The following IQGAP1 variants were observed in gnomAD, a reference collection of about 807,000 sequenced individuals.
IQGAP1 encodes IQ motif containing GTPase activating protein 1.
IQGAP1 carries 66 observed loss-of-function variants against 215.6 expected under a neutral mutation model. The ratio of observed to expected loss-of-function variants is 0.31; its 90% CI spans 0.25 to 0.38. IQGAP1 has a LOEUF of 0.38. Ranked by LOEUF, IQGAP1 falls within the 10% of genes least tolerant of loss-of-function variation. The probability of loss-of-function intolerance (pLI) is 1.00; values close to 1 mark genes in which losing one functional copy is unlikely to be tolerated. For missense variants in IQGAP1, 1,712 were observed against 1,997.1 expected (o/e 0.86, Z 2.72); for synonymous variants, 772 against 728.7 (o/e 1.06, Z -0.96).
chr15:90,434,137 C>T (rs1965338342), intron 5 of IQGAP1, among the ~76,000 whole-genome samples: 1 of 152,072 alleles, frequency 6.6e-6, no homozygotes, highest in Non-Finnish European at 1.5e-5. Flanking sequence ...TTTGTTCATT[C>T]ATTCAATAAT....
At chr15:90,491,734 A>G (rs1966207821) in intron 34 of IQGAP1, 189 bp downstream of exon 34, 2 of 583,106 alleles carry the variant, frequency 3.4e-6, no homozygotes, top group South Asian at 2.1e-5. Flanking sequence ...TCCATGGCCT[A>G]AATTACTAGG....
chr15:90,475,439 C>CT (rs1229616347), intron 23 of IQGAP1, among the ~76,000 whole-genome samples: 2 of 151,896 alleles, frequency 1.3e-5, no homozygotes, highest in East Asian at 3.9e-4. Context: ...GCCCGGCCAT[C>CT]ATAAGCTTTT....
chr15:90,417,938 A>C (rs151137489), intron 2 of IQGAP1, among the ~76,000 whole-genome samples: 2,118 of 152,238 alleles, frequency 0.014, 39 homozygotes, highest in African/African-American at 0.048. Context: ...CATCCCTTGT[A>C]AGTTGGATTC....
chr15:90,466,677 C>T (rs901341948), intron 17 of IQGAP1, among the ~76,000 whole-genome samples: 4 of 148,524 alleles, frequency 2.7e-5, no homozygotes, highest in Non-Finnish European at 4.4e-5. Context: ...AAATATTTAA[C>T]TGTTTATCTT....
At chr15:90,429,522 A>G in intron 3 of IQGAP1, 67 bp from the exon 4 acceptor site, 1 of 1,224,140 alleles carries the variant, frequency 8.2e-7, no homozygotes, top group Non-Finnish European at 1.1e-6. Context: ...ACTTTTGCGA[A>G]GAGAGTTTTT....
intron 26 of IQGAP1, 146 bp from the exon 27 acceptor site, chr15:90,481,814 A>G: frequency 1.2e-6 from 1 of 810,740 alleles, no homozygotes; most frequent in Non-Finnish European, 1.9e-6. Context: ...TTCAGATTCT[A>G]GACTTATCAC....
chr15:90,491,665 A>G, intron 34 of IQGAP1, 120 bp downstream of exon 34: 3 of 744,122 alleles, frequency 4.0e-6, no homozygotes, highest in East Asian at 2.7e-5. Flanking sequence ...GCCCTCCTCT[A>G]TGAGAAACCA....
chr15:90,403,540 G>A (rs1251476454), intron 2 of IQGAP1, among the ~76,000 whole-genome samples: 2 of 152,076 alleles, frequency 1.3e-5, no homozygotes, highest in Non-Finnish European at 2.9e-5. Context: ...TCTTTCTCTA[G>A]CTATTCAGTT....
chr15:90,407,162 T>C (rs77315628), intron 2 of IQGAP1, among the ~76,000 whole-genome samples: 8,349 of 152,286 alleles, frequency 0.055, 321 homozygotes, highest in Middle Eastern at 0.15. Context: ...TCAGTGGGTG[T>C]TGGTTGTCCA....
rs1285217002 is a variant in IQGAP1, at chr15:90,501,384, C to A, written c.*1276C>A. The stretch of plus-strand genomic sequence containing the variant: ...TTTTGTTCTTGGATAAAAAGTCATA[C>A]ACTTTAAAAAAAAAAAAAACTTTTT... On this transcript the variant is annotated 3_prime_UTR_variant, in exon 38 of 38. Coordinates refer to ENST00000268182, the MANE Select transcript of IQGAP1 (RefSeq NM_003870.4). 6 of 142,994 alleles carry A rather than the reference C, an allele frequency of 4.2e-5. No homozygotes were observed. Among genetic ancestry groups the A allele is most frequent in the Non-Finnish European group, 9.0e-5 (6 of 66,634 alleles). The allele number at this position is 142,994 out of a possible 1,614,324, so 8.9% of individuals were successfully genotyped here.
intron 2 of IQGAP1, among the ~76,000 whole-genome samples, chr15:90,418,536 G>T (rs962780934): frequency 6.6e-5 from 10 of 152,114 alleles, no homozygotes; most frequent in Admixed American, 4.6e-4. Flanking sequence ...ACAGTGAGCC[G>T]TGTGATTGGG....
At position 90,476,543 on chromosome 15, in the gene IQGAP1, G is replaced by A. The variant is rs375091236; in HGVS notation, c.2785-120G>A. 18 of 600,050 alleles carry A rather than the reference G, an allele frequency of 3.0e-5. No homozygotes were observed. The South Asian group carries it at 6.5e-4, about 22-fold the overall frequency. The allele number at this position is 600,050 out of a possible 1,614,324, so 37.2% of individuals were successfully genotyped here. A position where few individuals can be genotyped will look rare whatever the true frequency, so the allele number is the denominator to read the frequency against. On this transcript the variant is annotated intron_variant, in intron 23 of 37. Transcript: ENST00000268182. Reference sequence around the variant, plus strand: ...GTGTAGTGGTTTTTAAATATTCAGTGGGAATCTGCCAGTGCAGTACACCTT... The same window carrying A: ...GTGTAGTGGTTTTTAAATATTCAGTAGGAATCTGCCAGTGCAGTACACCTT...
chr15:90,408,960 A>C (rs1400848067), intron 2 of IQGAP1, among the ~76,000 whole-genome samples: 1 of 152,064 alleles, frequency 6.6e-6, no homozygotes. Flanking sequence ...CTGGCTTAAC[A>C]TGCCATCTTG....
intron 18 of IQGAP1, among the ~76,000 whole-genome samples, chr15:90,472,012 C>G (rs12439754): frequency 0.023 from 3,458 of 152,296 alleles, 95 homozygotes; most frequent in East Asian, 0.11. Flanking sequence ...GAAGTCTCTT[C>G]TCACTCTAAT....
At chr15:90,408,258 T>C (rs1964908768) in intron 2 of IQGAP1, among the ~76,000 whole-genome samples, 1 of 152,102 alleles carries the variant, frequency 6.6e-6, no homozygotes, top group Admixed American at 6.6e-5. Flanking sequence ...GTGGGGGTTG[T>C]GGTAGGAAAA....
rs142544231 is a variant in IQGAP1, at chr15:90,467,650, TATTA to T, written c.2178+64_2178+67del. 4,557 of 1,525,090 alleles carry T rather than the reference TATTA, an allele frequency of 3.0e-3. 88 individuals carry two copies. In the African/African-American group the frequency reaches 0.05, roughly 17 times the overall value. The allele number at this position is 1,525,090 out of a possible 1,614,324, so 94.5% of individuals were successfully genotyped here. On this transcript the variant is annotated intron_variant, in intron 18 of 37. Coordinates refer to ENST00000268182, the MANE Select transcript of IQGAP1 (RefSeq NM_003870.4). ...GAGAGAAAGTGTTTTCAAGCTATAATATTAATTAAGAGGAACAGGGCATGTGGTC... is the reference window on the plus strand; with the variant it reads ...GAGAGAAAGTGTTTTCAAGCTATAATATTAAGAGGAACAGGGCATGTGGTC...
chr15:90,408,095 C>T (rs1217771190), intron 2 of IQGAP1, among the ~76,000 whole-genome samples: 1 of 152,170 alleles, frequency 6.6e-6, no homozygotes, highest in East Asian at 1.9e-4. Flanking sequence ...GAAAGCATAA[C>T]ACTATGTATA....
chr15:90,417,668 T>C (rs1475283217), intron 2 of IQGAP1, among the ~76,000 whole-genome samples: 5 of 152,244 alleles, frequency 3.3e-5, no homozygotes, highest in Non-Finnish European at 7.3e-5. Context: ...CTTTGTTCTT[T>C]TGGCTTAGGA....
At chr15:90,417,271 A>G (rs1458925856) in intron 2 of IQGAP1, among the ~76,000 whole-genome samples, 1 of 152,144 alleles carries the variant, frequency 6.6e-6, no homozygotes, top group Non-Finnish European at 1.5e-5. Context: ...TTCAGACATG[A>G]AGTCCTTGCC....
Sources: gnomAD v4.1 joint callset for allele counts (sites outside exome capture counted in the v4.1 genomes callset) on GRCh38, gnomAD v4.1.1 for gene constraint, MANE v1.5 for transcripts, NCBI Gene and HGNC (gene_info 2026-07-23, HGNC 2026-07-21) for gene names.